Variants in GALNT3 observed in about 807,000 individuals in gnomAD.
The protein encoded by GALNT3 is GalNAc transferase 3.
A neutral mutation model predicts 69.8 loss-of-function variants in GALNT3; 51 were observed. That is an observed-to-expected ratio of 0.73 (90% CI 0.58 to 0.92). The LOEUF is 0.92. GALNT3 is among the 40% of genes least tolerant of loss of function. GALNT3 has a pLI of 0.00. For synonymous variants in GALNT3, 265 were observed against 248.5 expected, an observed-to-expected ratio of 1.07 and a Z score of -0.63; for missense variants, 711 against 760.0, an observed-to-expected ratio of 0.94 and a Z score of 0.76.
chr2:165,787,836 A>G (rs1277490704), intron 1 of GALNT3, among the ~76,000 whole-genome samples: 1 of 152,238 alleles, frequency 6.6e-6, no homozygotes, highest in Non-Finnish European at 1.5e-5. Context: ...CAAAAGCTGC[A>G]AGACATTTCA....
chr2:165,770,322 C>A lies in GALNT3; in HGVS notation c.379G>T (p.Ala127Ser), dbSNP rs139145525. ...DSNAPGASGK[A>S]FKTTNLSVEE... is the part of the protein sequence containing the mutation. ...ACACTTAAATTGGTTGTCTTGAATG[C>A]TTTACCAGAAGCACCAGGTGCATTT... is the stretch of plus-strand genomic sequence containing the variant. Residue 127 changes from alanine (A) to serine (S), a missense_variant, in exon 2 of 11, where the codon GCA (alanine) becomes TCA (serine). Physicochemically the swap from Ala to Ser is moderately conservative, Grantham distance 99. Transcript: ENST00000392701. 1.4e-4 allele frequency: 234 copies of A among 1,614,102 alleles called. 2 individuals are homozygous for A. In the East Asian group the frequency reaches 5.0e-3, roughly 35 times the overall value.
chr2:165,792,026 C>T (rs1251445585), intron 1 of GALNT3, among the ~76,000 whole-genome samples: 1 of 152,304 alleles, frequency 6.6e-6, no homozygotes, highest in South Asian at 2.1e-4. Flanking sequence ...AAGTAAGATA[C>T]AGGAGTCATG....
chr2:165,791,847 C>T (rs935721422), intron 1 of GALNT3, among the ~76,000 whole-genome samples: 1 of 152,080 alleles, frequency 6.6e-6, no homozygotes, highest in Admixed American at 6.5e-5. Context: ...AGCATGATGC[C>T]TTCACTGGGT....
rs146521644 is a variant in GALNT3, at chr2:165,749,816, C to G, written c.1705G>C (p.Val569Leu). 6.2e-7 allele frequency: 1 copy of G among 1,613,430 alleles called. No individual in the cohort carries two copies. Among genetic ancestry groups the G allele is most frequent in the Non-Finnish European group, 8.5e-7 (1 of 1,179,578 alleles). The change falls in exon 10 of 11, where the codon GTT (valine) becomes CTT (leucine). Residue 569 changes from valine (V) to leucine (L), a missense_variant. Physicochemically the swap from Val to Leu is conservative, Grantham distance 32 (BLOSUM62 1). Coordinates refer to ENST00000392701, the MANE Select transcript of GALNT3 (RefSeq NM_004482.4). ...TTGTAGGTACATGCCTTCAGCTGAACGAGACCTTGAGCAGCATGAAGACAT... is the reference window on the plus strand; with the variant it reads ...TTGTAGGTACATGCCTTCAGCTGAAGGAGACCTTGAGCAGCATGAAGACAT... Reference protein sequence around the residue: ...ELCLHAAQGLVQLKACTYKGH... With the variant: ...ELCLHAAQGLLQLKACTYKGH...
intron 4 of GALNT3, 95 bp downstream of exon 4, chr2:165,761,810 A>T: frequency 7.5e-7 from 1 of 1,336,974 alleles, no homozygotes; most frequent in Non-Finnish European, 1.1e-6. Context: ...AGAAAATGCA[A>T]TTAGGCATTT....
intron 2 of GALNT3, among the ~76,000 whole-genome samples, chr2:165,767,780 A>G (rs1688669362): frequency 6.6e-6 from 1 of 152,004 alleles, no homozygotes. Context: ...AACTAGGTCT[A>G]TATTTCTAAT....
At chr2:165,792,793 A>C (rs1683379966) in intron 1 of GALNT3, among the ~76,000 whole-genome samples, 1 of 152,218 alleles carries the variant, frequency 6.6e-6, no homozygotes, top group Admixed American at 6.5e-5. Flanking sequence ...AAATTAAAAA[A>C]AAGAATCTAA....
At chr2:165,750,355 G>A (rs909665626) in intron 9 of GALNT3, among the ~76,000 whole-genome samples, 2 of 152,082 alleles carry the variant, frequency 1.3e-5, no homozygotes, top group Non-Finnish European at 2.9e-5. Context: ...TACCCCACAG[G>A]GTTATGAAGA....
At chr2:165,764,843 A>G in intron 3 of GALNT3, 41 bp downstream of exon 3, 1 of 1,602,246 alleles carries the variant, frequency 6.2e-7, no homozygotes, top group Non-Finnish European at 8.6e-7. Flanking sequence ...ATACCACAAT[A>G]TGGATTTGGG....
chr2:165,761,775 A>G (rs1463842666), intron 4 of GALNT3, 130 bp downstream of exon 4: 1 of 985,246 alleles, frequency 1.0e-6, no homozygotes, highest in East Asian at 2.5e-5. Flanking sequence ...TCATTGCTAT[A>G]ATCGCCAGTT....
intron 1 of GALNT3, among the ~76,000 whole-genome samples, chr2:165,786,392 A>T (rs1683220471): frequency 6.6e-6 from 1 of 152,222 alleles, no homozygotes; most frequent in Non-Finnish European, 1.5e-5. Flanking sequence ...GGATAAATGT[A>T]CAGTCATGTC....
intron 1 of GALNT3, among the ~76,000 whole-genome samples, chr2:165,774,909 C>CTTTTTTTTTTT (rs71031204): frequency 3.9e-4 from 41 of 104,358 alleles, no homozygotes; most frequent in Non-Finnish European, 4.3e-4. Flanking sequence ...CTTCTTCTCT[C>CTTTTTTTTTTT]TTTTTTTTTT....
At chr2:165,759,978 TGATGA>T (rs1212587882) in intron 4 of GALNT3, among the ~76,000 whole-genome samples, 1 of 152,028 alleles carries the variant, frequency 6.6e-6, no homozygotes, top group Non-Finnish European at 1.5e-5. Context: ...AGGTTTATTG[TGATGA>T]GATGAGGGTA....
At chr2:165,757,393 A>G in intron 6 of GALNT3, 146 bp from the exon 7 acceptor site, 1 of 783,482 alleles carries the variant, frequency 1.3e-6, no homozygotes, top group Non-Finnish European at 2.1e-6. Context: ...CTGCCATTTC[A>G]ACTTAAGTTC....
At chr2:165,769,522 G>A (rs898547920) in intron 2 of GALNT3, among the ~76,000 whole-genome samples, 2 of 151,580 alleles carry the variant, frequency 1.3e-5, no homozygotes, top group Non-Finnish European at 2.9e-5. Flanking sequence ...GGGAGGCCAA[G>A]GCAGATGGAT....
At chr2:165,793,060 C>A (rs1402175502) in intron 1 of GALNT3, among the ~76,000 whole-genome samples, 1 of 151,926 alleles carries the variant, frequency 6.6e-6, no homozygotes, top group East Asian at 1.9e-4. Flanking sequence ...GAAATAGTTT[C>A]TTTGATGAGT....
intron 1 of GALNT3, among the ~76,000 whole-genome samples, chr2:165,781,493 A>C (rs1683110702): frequency 6.6e-6 from 1 of 151,816 alleles, no homozygotes; most frequent in African/African-American, 2.4e-5. Flanking sequence ...GTTACTCAAG[A>C]GGCTGAGGTA....
intron 9 of GALNT3, among the ~76,000 whole-genome samples, chr2:165,752,462 AG>A (rs1688372206): frequency 6.6e-6 from 1 of 152,202 alleles, no homozygotes; most frequent in Admixed American, 6.5e-5. Flanking sequence ...CTACGGTAAC[AG>A]TCAGTACAAG....
chr2:165,749,011 T>C lies in GALNT3; in HGVS notation c.1780-108A>G, dbSNP rs550716875. On this transcript the variant is annotated intron_variant, in intron 10 of 10. Transcript: ENST00000392701. ...TGAAGCAAACCTAATAGCAAATCTT[T>C]CTAAGGTGAGCCATGTCTGATAAAC... 65 of 1,176,046 alleles carry C rather than the reference T, an allele frequency of 5.5e-5. No individual in the cohort carries two copies. The African/African-American group carries it at 8.9e-4, about 16-fold the overall frequency. 72.9% of individuals were successfully genotyped at this position (1,176,046 alleles called of 1,614,324 possible). A position where few individuals can be genotyped will look rare whatever the true frequency, so the allele number is the denominator to read the frequency against.
Sources: allele counts gnomAD v4.1 joint callset (sites outside exome capture counted in the v4.1 genomes callset), GRCh38; gene constraint gnomAD v4.1.1; transcripts MANE v1.5; gene names NCBI Gene and HGNC (gene_info 2026-07-23, HGNC 2026-07-21).